Variants in TGFBR3 observed in about 807,000 individuals in gnomAD.
TGFBR3 encodes the protein transforming growth factor beta receptor type 3.
Under a neutral mutation model 87.9 loss-of-function variants are expected in TGFBR3, and 46 were observed. The ratio of observed to expected loss-of-function variants is 0.52; its 90% confidence interval spans 0.41 to 0.67. TGFBR3 has a LOEUF of 0.67. Ranked by LOEUF, TGFBR3 falls within the 30% of genes least tolerant of loss-of-function variation. The pLI, the probability that TGFBR3 is intolerant of heterozygous loss-of-function variation, is 0.00. For synonymous variants in TGFBR3, 381 were observed against 391.6 expected, an observed-to-expected ratio of 0.97 and a Z score of 0.32; for missense variants, 866 against 1,041.9, an observed-to-expected ratio of 0.83 and a Z score of 2.32.
At chr1:91,900,928 G>A (rs1419742480) in intron 1 of TGFBR3, among the ~76,000 whole-genome samples, 1 of 152,196 alleles carries the variant, frequency 6.6e-6, no homozygotes, top group African/African-American at 2.4e-5. Flanking sequence ...GTCTTGTCAT[G>A]TTGCTCAGGC....
chr1:91,816,779 T>C (rs1256838506), intron 2 of TGFBR3, among the ~76,000 whole-genome samples: 2 of 152,216 alleles, frequency 1.3e-5, no homozygotes, highest in Non-Finnish European at 2.9e-5. Flanking sequence ...ATTAAGAAAT[T>C]TAGTTATATA....
At chr1:91,840,058 C>T (rs910845144) in intron 2 of TGFBR3, among the ~76,000 whole-genome samples, 1 of 151,910 alleles carries the variant, frequency 6.6e-6, no homozygotes, top group African/African-American at 2.4e-5. Flanking sequence ...GCCTGTAATC[C>T]CAGCACTTTG....
intron 2 of TGFBR3, among the ~76,000 whole-genome samples, chr1:91,803,304 C>A (rs767571183): frequency 6.6e-6 from 1 of 152,198 alleles, no homozygotes; most frequent in Non-Finnish European, 1.5e-5. Flanking sequence ...CCACCCAGAA[C>A]GAAAGCTATG....
At chr1:91,729,727 T>C (rs1672695511) in intron 6 of TGFBR3, 78 bp downstream of exon 6, 1 of 1,557,336 alleles carries the variant, frequency 6.4e-7, no homozygotes, top group South Asian at 1.1e-5. Flanking sequence ...TAGGACGGGC[T>C]ACACCTCTCC....
At chr1:91,878,167 A>C (rs893888160) in intron 1 of TGFBR3, among the ~76,000 whole-genome samples, 1 of 152,200 alleles carries the variant, frequency 6.6e-6, no homozygotes, top group South Asian at 2.1e-4. Flanking sequence ...TAAAAGAGAT[A>C]ACTCACAGCA....
Position 91,750,187 on chromosome 1 carries a change from T to C in TGFBR3, c.384+8426A>G, listed in dbSNP as rs1344564852. On this transcript the variant is annotated intron_variant, in intron 4 of 16. Transcript: ENST00000212355. The stretch of plus-strand genomic sequence containing the variant: ...CACTTGCGTGAACCCTCCTGGACAG[T>C]AGGTCTTCCTCAGGAAAAATACACC... Among the ~76,000 whole-genome samples, 3 of 152,276 alleles carry C rather than the reference T, an allele frequency of 2.0e-5. No individual in the cohort carries two copies. In the South Asian group the frequency reaches 6.2e-4, roughly 32 times the overall value.
At chr1:91,832,364 T>A (rs17884380) in intron 2 of TGFBR3, among the ~76,000 whole-genome samples, 1,843 of 67,832 alleles carry the variant, frequency 0.027, 43 homozygotes, top group African/African-American at 0.16. Context: ...GAATTTTAAA[T>A]TTGCATTTTT....
chr1:91,883,322 A>C (rs1679170826), intron 1 of TGFBR3, among the ~76,000 whole-genome samples: 1 of 152,092 alleles, frequency 6.6e-6, no homozygotes, highest in Admixed American at 6.5e-5. Context: ...CACTTAAGGA[A>C]ACAAATTGAA....
chr1:91,696,764 G>A (rs1671446922), intron 15 of TGFBR3, among the ~76,000 whole-genome samples: 1 of 152,162 alleles, frequency 6.6e-6, no homozygotes, highest in Non-Finnish European at 1.5e-5. Context: ...GCTCCAGTCA[G>A]AAGCAACTCC....
intron 2 of TGFBR3, among the ~76,000 whole-genome samples, chr1:91,843,141 G>A (rs1404001970): frequency 6.6e-6 from 1 of 152,220 alleles, no homozygotes; most frequent in Non-Finnish European, 1.5e-5. Context: ...GATTAAATAT[G>A]TCCACCATGT....
chr1:91,780,884 TACACACACACACACAC>T (rs56862200), intron 3 of TGFBR3, among the ~76,000 whole-genome samples: 26 of 132,658 alleles, frequency 2.0e-4, no homozygotes, highest in Middle Eastern at 3.9e-3. Flanking sequence ...ACTAGAGAAC[TACACACACACACACAC>T]ACACACACAC....
chr1:91,761,685 C>T lies in TGFBR3; in HGVS notation c.247-2935G>A, dbSNP rs766736880. 1.4e-4 allele frequency among the ~76,000 whole-genome samples: 22 copies of T among 151,804 alleles called. 1 individual carries two copies. The highest frequency in any genetic ancestry group is 3.1e-4 in the Non-Finnish European group (21 of 67,934). On this transcript the variant is annotated intron_variant, in intron 3 of 16. Coordinates refer to ENST00000212355, the MANE Select transcript of TGFBR3 (RefSeq NM_003243.5). Reference sequence around the variant, plus strand: ...AAAAGAACCATGGTATAAAAGCTTCCAGAAATGTAGAGAGAACACACAGCA... The same window carrying T: ...AAAAGAACCATGGTATAAAAGCTTCTAGAAATGTAGAGAGAACACACAGCA...
At chr1:91,868,207 T>C (rs886265083) in intron 1 of TGFBR3, among the ~76,000 whole-genome samples, 7 of 152,204 alleles carry the variant, frequency 4.6e-5, no homozygotes, top group African/African-American at 1.7e-4. Context: ...TGTGAACCAC[T>C]GTGCTCGGCC....
intron 1 of TGFBR3, among the ~76,000 whole-genome samples, chr1:91,874,734 C>A (rs1346975316): frequency 6.6e-6 from 1 of 152,024 alleles, no homozygotes; most frequent in Non-Finnish European, 1.5e-5. Flanking sequence ...ACTTTGTGAT[C>A]CGCCTGCCTC....
chr1:91,728,224 G>A (rs1672615260), intron 6 of TGFBR3, among the ~76,000 whole-genome samples: 1 of 152,062 alleles, frequency 6.6e-6, no homozygotes, highest in Non-Finnish European at 1.5e-5. Context: ...TGGCAGTTTG[G>A]TGAGTTGGGG....
At chr1:91,710,516 G>T (rs969166640) in intron 13 of TGFBR3, among the ~76,000 whole-genome samples, 7 of 152,132 alleles carry the variant, frequency 4.6e-5, no homozygotes, top group African/African-American at 1.2e-4. Flanking sequence ...AAAGGGCAGG[G>T]TTGGTCTCAA....
At chr1:91,897,368 G>A (rs1341860913) in intron 2 of TGFBR3, among the ~76,000 whole-genome samples, 2 of 152,186 alleles carry the variant, frequency 1.3e-5, no homozygotes, top group East Asian at 3.8e-4. Context: ...AGCATATTTG[G>A]TAAAAGGTTT....
chr1:91,735,056 G>T, intron 4 of TGFBR3, 97 bp from the exon 5 acceptor site: 1 of 1,409,784 alleles, frequency 7.1e-7, no homozygotes, highest in Non-Finnish European at 1.0e-6. Flanking sequence ...CTTGTAAATC[G>T]AACCTCTTCC....
upstream of TGFBR3, among the ~76,000 whole-genome samples, chr1:91,887,614 A>C (rs1040741828): frequency 3.3e-5 from 5 of 152,112 alleles, no homozygotes; most frequent in Non-Finnish European, 7.4e-5. Context: ...GAGGCTTCTT[A>C]TGACATGTTA....
Sources: gnomAD v4.1 joint callset for allele counts (sites outside exome capture counted in the v4.1 genomes callset) on GRCh38, gnomAD v4.1.1 for gene constraint, MANE v1.5 for transcripts, NCBI Gene and HGNC (gene_info 2026-07-23, HGNC 2026-07-21) for gene names.